ITFG1: variants seen among roughly 807,000 people sequenced by gnomAD.
The protein encoded by ITFG1 is integrin alpha FG-GAP repeat containing 1, also known as T-cell immunomodulatory protein.
In ITFG1, 34 loss-of-function variants were observed where a neutral mutation model predicts 81.8. The observed-to-expected ratio is 0.42, with a 90% confidence interval of 0.32 to 0.55. The LOEUF is 0.55. ITFG1 is among the 20% of genes least tolerant of loss of function. ITFG1 has a pLI of 0.17. For missense variants in ITFG1, 672 were observed against 755.4 expected, an observed-to-expected ratio of 0.89 and a Z score of 1.29; for synonymous variants, 285 against 270.6, an observed-to-expected ratio of 1.05 and a Z score of -0.52.
At chr16:47,347,255 A>C (rs531143501) in intron 8 of ITFG1, among the ~76,000 whole-genome samples, 1 of 152,238 alleles carries the variant, frequency 6.6e-6, no homozygotes, top group Non-Finnish European at 1.5e-5. Flanking sequence ...GCATCGCCCC[A>C]CCCAGGAAGT....
intron 13 of ITFG1, among the ~76,000 whole-genome samples, chr16:47,223,304 C>T (rs1486882886): frequency 6.6e-6 from 1 of 152,110 alleles, no homozygotes; most frequent in Non-Finnish European, 1.5e-5. Flanking sequence ...AGGCAACCTA[C>T]AAAATGGGAG....
intron 13 of ITFG1, among the ~76,000 whole-genome samples, chr16:47,237,483 A>T (rs544852946): frequency 5.1e-4 from 77 of 152,332 alleles, no homozygotes; most frequent in Admixed American, 2.7e-3. Flanking sequence ...TGGTCTGTCA[A>T]AAACTAATTA....
chr16:47,273,978 T>C (rs1032121037), intron 10 of ITFG1, among the ~76,000 whole-genome samples: 7 of 152,104 alleles, frequency 4.6e-5, no homozygotes, highest in Non-Finnish European at 1.0e-4. Flanking sequence ...ATTAATCGGC[T>C]GGGCGTGGTG....
chr16:47,430,128 G>A (rs1057093314), intron 5 of ITFG1, among the ~76,000 whole-genome samples: 4 of 145,202 alleles, frequency 2.8e-5, no homozygotes, highest in East Asian at 2.0e-4. Context: ...TGCGATTTCC[G>A]CTCACTGCAA....
At chr16:47,178,548 T>A (rs1758206777) in intron 14 of ITFG1, among the ~76,000 whole-genome samples, 1 of 152,196 alleles carries the variant, frequency 6.6e-6, no homozygotes, top group Admixed American at 6.5e-5. Flanking sequence ...ACTGCATCCC[T>A]TCCTTACACC....
intron 10 of ITFG1, among the ~76,000 whole-genome samples, chr16:47,285,285 A>G (rs1475549356): frequency 6.6e-6 from 1 of 152,198 alleles, no homozygotes; most frequent in Non-Finnish European, 1.5e-5. Flanking sequence ...TAAACATCCG[A>G]GCTGAACAAG....
At chr16:47,268,450 G>A (rs147450909) in intron 10 of ITFG1, among the ~76,000 whole-genome samples, 18 of 152,246 alleles carry the variant, frequency 1.2e-4, no homozygotes, top group African/African-American at 3.1e-4. Flanking sequence ...AATAATACAC[G>A]TACTACACAA....
intron 10 of ITFG1, among the ~76,000 whole-genome samples, chr16:47,268,309 C>T (rs1397988667): frequency 6.6e-6 from 1 of 152,056 alleles, no homozygotes; most frequent in Non-Finnish European, 1.5e-5. Flanking sequence ...GACGAATTCC[C>T]TGGAAGTCAC....
chr16:47,235,656 A>C (rs1177553036), intron 13 of ITFG1, among the ~76,000 whole-genome samples: 1 of 152,214 alleles, frequency 6.6e-6, no homozygotes, highest in Non-Finnish European at 1.5e-5. Context: ...TAACCAGCAG[A>C]AGAGCTATTC....
At position 47,161,802 on chromosome 16, in the gene ITFG1, T is replaced by C; in HGVS notation, c.1609A>G (p.Ile537Val). ...ATGACAATTAGCTGGGAATTTGGAATGATTGCAGTCCACTCTTGTTTTCGT... is the reference window on the plus strand; with the variant it reads ...ATGACAATTAGCTGGGAATTTGGAACGATTGCAGTCCACTCTTGTTTTCGT... The part of the protein sequence containing the change: ...SIRKQEWTAI[I>V]PNSQLIVIPY... The change falls in exon 16 of 18, where the codon ATT becomes GTT. Residue 537 changes from isoleucine to valine, a missense_variant. Coordinates refer to ENST00000320640, the MANE Select transcript of ITFG1 (RefSeq NM_030790.5). The C allele has an allele frequency of 6.2e-7, 1 of 1,610,216 alleles. No individual in the cohort carries two copies. The highest frequency in any genetic ancestry group is 2.2e-5 in the East Asian group (1 of 44,790).
chr16:47,320,089 G>C lies in ITFG1; in HGVS notation c.803-6266C>G, dbSNP rs112398795. ...GGCGTGTGCCACCACGCCCAGCAGA[G>C]GCCCATATTTTGGATCACACATTCA... On this transcript the variant is annotated intron_variant, in intron 8 of 17. Coordinates refer to ENST00000320640, the MANE Select transcript of ITFG1 (RefSeq NM_030790.5). Among the ~76,000 whole-genome samples, 311 of 152,246 alleles carry C rather than the reference G, an allele frequency of 2.0e-3. 4 individuals are homozygous for C. The highest frequency in any genetic ancestry group is 7.1e-3 in the African/African-American group (296 of 41,546).
chr16:47,364,085 A>C (rs1968144681), intron 8 of ITFG1, among the ~76,000 whole-genome samples: 1 of 152,198 alleles, frequency 6.6e-6, no homozygotes, highest in African/African-American at 2.4e-5. Context: ...GGAAAAATGC[A>C]TATTTTTGAT....
intron 6 of ITFG1, among the ~76,000 whole-genome samples, chr16:47,409,266 TCAAAA>T (rs1596964103): frequency 6.9e-6 from 1 of 145,898 alleles, no homozygotes; most frequent in Non-Finnish European, 1.5e-5. Context: ...CTCAGGGTCA[TCAAAA>T]CAGAGAGATG....
intron 12 of ITFG1, among the ~76,000 whole-genome samples, chr16:47,246,167 GC>G (rs1327489435): frequency 1.3e-5 from 2 of 152,100 alleles, no homozygotes; most frequent in African/African-American, 4.8e-5. Context: ...TGTACAATAA[GC>G]TAAAAACTTG....
At chr16:47,379,914 T>G (rs1462899765) in intron 6 of ITFG1, among the ~76,000 whole-genome samples, 1 of 152,002 alleles carries the variant, frequency 6.6e-6, no homozygotes, top group Non-Finnish European at 1.5e-5. Context: ...AGGCAAACAC[T>G]AATGCTAAGG....
chr16:47,435,183 TA>T (rs1969149715), intron 5 of ITFG1, among the ~76,000 whole-genome samples: 1 of 152,164 alleles, frequency 6.6e-6, no homozygotes. Flanking sequence ...TCCCTGAACT[TA>T]AAAGCTAAAG....
intron 14 of ITFG1, among the ~76,000 whole-genome samples, chr16:47,208,251 G>A (rs1412668025): frequency 1.3e-5 from 2 of 152,174 alleles, no homozygotes; most frequent in African/African-American, 2.4e-5. Context: ...TGACTCTGGG[G>A]AAGTCCTTAA....
At chr16:47,228,128 A>G (rs1965776544) in intron 13 of ITFG1, among the ~76,000 whole-genome samples, 1 of 152,188 alleles carries the variant, frequency 6.6e-6, no homozygotes, top group South Asian at 2.1e-4. Flanking sequence ...GAAAATATCC[A>G]TATCATCGTT....
chr16:47,338,776 G>A (rs1265912981), intron 8 of ITFG1, among the ~76,000 whole-genome samples: 1 of 151,494 alleles, frequency 6.6e-6, no homozygotes. Context: ...GGGTAAATGG[G>A]GTTTTTCCAT....
Sources: allele counts gnomAD v4.1 joint callset (sites outside exome capture counted in the v4.1 genomes callset), GRCh38; gene constraint gnomAD v4.1.1; transcripts MANE v1.5; gene names NCBI Gene and HGNC (gene_info 2026-07-23, HGNC 2026-07-21).